ABCC11: variants seen among roughly 807,000 people sequenced by gnomAD.
ABCC11 encodes the protein ATP binding cassette subfamily C member 11.
ABCC11 carries 135 observed loss-of-function variants against 149.3 expected under a neutral mutation model. The ratio of observed to expected loss-of-function variants is 0.90; its 90% CI spans 0.79 to 1.04. The LOEUF is 1.04. Ranked by LOEUF, ABCC11 falls within the 50% of genes least tolerant of loss-of-function variation. The pLI, the probability that ABCC11 is intolerant of heterozygous loss-of-function variation, is 0.00. For missense variants in ABCC11, 1,680 were observed against 1,722.1 expected (o/e 0.98, Z 0.43); for synonymous variants, 665 against 671.4 (o/e 0.99, Z 0.15).
chr16:48,219,439 G>C (rs1421679423), intron 6 of ABCC11, among the ~76,000 whole-genome samples: 1 of 152,094 alleles, frequency 6.6e-6, no homozygotes, highest in Non-Finnish European at 1.5e-5. Flanking sequence ...CCAAAGTGCT[G>C]GGATTACAGG....
chr16:48,232,122 T>G, intron 1 of ABCC11, 183 bp from the exon 2 acceptor site: 1 of 1,329,406 alleles, frequency 7.5e-7, no homozygotes, highest in Non-Finnish European at 9.7e-7. Flanking sequence ...TTTAAACATC[T>G]TCTCAGGCCT....
At chr16:48,171,501 G>C (rs1292208918) in intron 26 of ABCC11, among the ~76,000 whole-genome samples, 1 of 152,210 alleles carries the variant, frequency 6.6e-6, no homozygotes, top group African/African-American at 2.4e-5. Flanking sequence ...CCATTATCAT[G>C]CATGAGTCAT....
chr16:48,190,422 A>G (rs577266123), intron 20 of ABCC11, among the ~76,000 whole-genome samples: 2 of 151,734 alleles, frequency 1.3e-5, no homozygotes, highest in Admixed American at 1.3e-4. Flanking sequence ...GTGCAGTGGC[A>G]TGATCTCAGC....
Position 48,167,548 on chromosome 16 carries a change from C to T in ABCC11, c.4004G>A (p.Arg1335His), listed in dbSNP as rs756671698. The T allele has an allele frequency of 3.7e-6, 6 of 1,614,124 alleles. No homozygotes were observed. The highest frequency in any genetic ancestry group is 3.3e-5 in the South Asian group (3 of 91,080). ...QGCTVLVIAHRVTTVLNCDHI... is the reference protein window; with the variant it reads ...QGCTVLVIAHHVTTVLNCDHI... ...GTCACAGTTCAGCACAGTGGTGACA[C>T]GGTGGGCAATGACGAGCACGGTGCA... The change falls in exon 29 of 30, where the codon CGT becomes CAT. Residue 1335 changes from arginine to histidine, a missense_variant. Coordinates refer to ENST00000356608, the MANE Select transcript of ABCC11 (RefSeq NM_001370497.1).
chr16:48,200,605 A>T, intron 14 of ABCC11, 126 bp from the exon 15 acceptor site: 1 of 953,864 alleles, frequency 1.0e-6, no homozygotes, highest in East Asian at 2.7e-5. Context: ...ACACTCCAGG[A>T]TACCTGATAA....
intron 20 of ABCC11, among the ~76,000 whole-genome samples, chr16:48,191,563 A>C (rs1386398568): frequency 3.3e-5 from 5 of 152,234 alleles, no homozygotes; most frequent in Non-Finnish European, 7.3e-5. Context: ...ATTTTTCTGT[A>C]AACGAAAAGT....
intron 23 of ABCC11, among the ~76,000 whole-genome samples, chr16:48,181,511 T>G (rs1391375106): frequency 6.6e-6 from 1 of 152,218 alleles, no homozygotes; most frequent in Non-Finnish European, 1.5e-5. Flanking sequence ...TATCTCCCTT[T>G]TACAGATGAG....
Position 48,177,008 on chromosome 16 carries a change from C to T in ABCC11, c.3454G>A (p.Asp1152Asn). ...IFQDYHMKYR[D>N]NTPTVLHGIN... is the part of the protein sequence containing the mutation. ...CCGTGAAGCACGGTGGGTGTGTTGT[C>T]TCTGTATTTCATGTGATAATCCTGA... Residue 1152 changes from aspartate (D) to asparagine (N), a missense_variant, in exon 25 of 30, where the codon GAC (aspartate) becomes AAC (asparagine). Physicochemically the swap from Asp to Asn is conservative, Grantham distance 23. Transcript: ENST00000356608. The T allele has an allele frequency of 6.2e-7, 1 of 1,614,204 alleles. No homozygotes were observed. Among genetic ancestry groups the T allele is most frequent in the South Asian group, 1.1e-5 (1 of 91,082 alleles).
rs1233405494 is a variant in ABCC11 at position 48,224,274 on chromosome 16, C to T, written c.543+8G>A. ...AGTCCCCCAAACCTCACCAAGTCTG[C>T]CACTTACTGGCCCGAGTACACTGGC... is the stretch of plus-strand genomic sequence containing the variant. On this transcript the variant is annotated splice_region_variant and intron_variant, in intron 5 of 29. Transcript: ENST00000356608. 1.9e-6 allele frequency: 3 copies of T among 1,613,424 alleles called. No homozygotes were observed. The highest frequency in any genetic ancestry group is 1.7e-5 in the Admixed American group (1 of 59,924).
chr16:48,229,732 G>A (rs1235422969), intron 3 of ABCC11, among the ~76,000 whole-genome samples: 1 of 152,090 alleles, frequency 6.6e-6, no homozygotes, highest in Non-Finnish European at 1.5e-5. Flanking sequence ...CCAAAGTGCT[G>A]GGATTACAGG....
chr16:48,177,034 A>G lies in ABCC11; in HGVS notation c.3428T>C (p.Phe1143Ser). The change falls in exon 25 of 30, where the codon TTT becomes TCT. Residue 1143 changes from phenylalanine (F) to serine (S), a missense_variant. Coordinates refer to ENST00000356608, the MANE Select transcript of ABCC11 (RefSeq NM_001370497.1). The stretch of plus-strand genomic sequence containing the variant: ...TCTGTATTTCATGTGATAATCCTGA[A>G]ATATGATTTCCCCATGCTGTGGCCA... ...QGWPQHGEIIFQDYHMKYRDN... is the reference protein window; with the variant it reads ...QGWPQHGEIISQDYHMKYRDN... 6.2e-7 allele frequency: 1 copy of G among 1,614,226 alleles called. No individual in the cohort carries two copies. The highest frequency in any genetic ancestry group is 8.5e-7 in the Non-Finnish European group (1 of 1,180,034).
chr16:48,224,009 G>A (rs560424546), intron 5 of ABCC11, among the ~76,000 whole-genome samples: 20 of 152,110 alleles, frequency 1.3e-4, no homozygotes, highest in East Asian at 9.6e-4. Context: ...AAACCAAGTC[G>A]CAGAGAATGT....
chr16:48,176,262 T>G (rs1966064691), intron 25 of ABCC11, among the ~76,000 whole-genome samples: 1 of 152,156 alleles, frequency 6.6e-6, no homozygotes, highest in Non-Finnish European at 1.5e-5. Flanking sequence ...AGGAGGCAGC[T>G]CTGGGGTGCC....
At position 48,224,393 on chromosome 16, in the gene ABCC11, T is replaced by G. The variant is rs754092060; in HGVS notation, c.432A>C (p.Arg144=). The G allele has an allele frequency of 1.9e-6, 3 of 1,614,114 alleles. No homozygotes were observed. The South Asian group carries it at 3.3e-5, about 18-fold the overall frequency. ...HRLWEEEVSR[R]GIEKASVLLV... ...GAAGCACTGAAGCTTTTTCAATCCCTCGCCTTGAGACTTCTTCTTCCCAAA... is the reference window on the plus strand; with the variant it reads ...GAAGCACTGAAGCTTTTTCAATCCCGCGCCTTGAGACTTCTTCTTCCCAAA... Residue 144 remains arginine, a synonymous_variant, in exon 5 of 30, where the codon CGA becomes CGC. Coordinates refer to ENST00000356608, the MANE Select transcript of ABCC11 (RefSeq NM_001370497.1).
intron 23 of ABCC11, among the ~76,000 whole-genome samples, chr16:48,182,802 A>AT: frequency 6.6e-6 from 1 of 150,746 alleles, no homozygotes; most frequent in Admixed American, 6.6e-5. Flanking sequence ...AAAAAAAAGG[A>AT]ACATGTGGTT....
chr16:48,217,542 G>A (rs998886792), intron 6 of ABCC11, among the ~76,000 whole-genome samples: 19 of 152,322 alleles, frequency 1.2e-4, no homozygotes, highest in African/African-American at 3.4e-4. Context: ...GCTGCAATGA[G>A]CTGTAATCAT....
intron 10 of ABCC11, among the ~76,000 whole-genome samples, chr16:48,211,417 TC>T (rs1368055576): frequency 1.3e-5 from 2 of 152,182 alleles, no homozygotes; most frequent in African/African-American, 2.4e-5. Context: ...GGGCCACTCT[TC>T]CATATTTGCA....
At chr16:48,194,880 G>T (rs1967252101) in intron 18 of ABCC11, among the ~76,000 whole-genome samples, 1 of 152,206 alleles carries the variant, frequency 6.6e-6, no homozygotes, top group Non-Finnish European at 1.5e-5. Flanking sequence ...TCTAATATAT[G>T]TTGTTACAGC....
rs564936099 is a variant in ABCC11, at chr16:48,167,649, G to A, written c.3903C>T (p.Ile1301=). Residue 1301 remains isoleucine, a synonymous_variant, in exon 29 of 30, where the codon ATC becomes ATT. Coordinates refer to ENST00000356608, the MANE Select transcript of ABCC11 (RefSeq NM_001370497.1). The part of the protein sequence containing the change: ...AVLRNSKIIL[I]DEATASIDME... ...TGTCAATGGAGGCTGTGGCTTCATC[G>A]ATAAGGATGATCTGATGAATACAAA... is the stretch of plus-strand genomic sequence containing the variant. The A allele has an allele frequency of 1.1e-5, 18 of 1,614,130 alleles. No homozygotes were observed. The Admixed American group carries it at 1.8e-4, about 16-fold the overall frequency.
Sources: gnomAD v4.1 joint callset for allele counts (sites outside exome capture counted in the v4.1 genomes callset) on GRCh38, gnomAD v4.1.1 for gene constraint, MANE v1.5 for transcripts, NCBI Gene and HGNC (gene_info 2026-07-23, HGNC 2026-07-21) for gene names.